FRYL: variants seen among roughly 807,000 people sequenced by gnomAD.
FRYL encodes FRY like transcription coactivator.
FRYL carries 150 observed loss-of-function variants against 351.2 expected under a neutral mutation model. The observed-to-expected ratio is 0.43, with a 90% CI of 0.37 to 0.49. FRYL has a LOEUF of 0.49. Ranked by LOEUF, FRYL falls within the 20% of genes least tolerant of loss-of-function variation. FRYL has a pLI of 0.00. For missense variants in FRYL, 3,036 were observed against 3,619.3 expected (o/e 0.84, Z 4.13); for synonymous variants, 1,153 against 1,257.1 (o/e 0.92, Z 1.75).
chr4:48,661,357 TGA>T (rs1417235501), intron 3 of FRYL, among the ~76,000 whole-genome samples: 1 of 151,968 alleles, frequency 6.6e-6, no homozygotes, highest in East Asian at 1.9e-4. Context: ...CCCTGAGAGA[TGA>T]GAGACAAATA....
intron 10 of FRYL, 115 bp downstream of exon 10, chr4:48,606,323 T>A (rs1746826368): frequency 1.6e-6 from 1 of 623,108 alleles, no homozygotes; most frequent in African/African-American, 1.8e-5. Context: ...ACACATGGAA[T>A]AAGAGACTAA....
chr4:48,665,173 T>A (rs1282606121), intron 3 of FRYL, among the ~76,000 whole-genome samples: 1 of 152,206 alleles, frequency 6.6e-6, no homozygotes, highest in Non-Finnish European at 1.5e-5. Context: ...ACTGTTACAT[T>A]CCTGACACAG....
rs781077989 is a variant in FRYL, at chr4:48,540,086, A to G, written c.6296-18T>C. On this transcript the variant is annotated intron_variant, in intron 46 of 63. Transcript: ENST00000358350. ...AGGAAAGCCTATCAAAACAAAAAAA[A>G]GCAAACAATAACCAATTTTATTGCA... The G allele has an allele frequency of 1.3e-6, 2 of 1,577,432 alleles. No homozygotes were observed. The highest frequency in any genetic ancestry group is 2.2e-5 in the East Asian group (1 of 44,562).
intron 3 of FRYL, chr4:48,681,270 G>T: frequency 4.1e-6 from 1 of 243,314 alleles, no homozygotes; most frequent in Non-Finnish European, 7.9e-6. Context: ...ACCCCAGTCA[G>T]TCAATTGCCA....
In FRYL at chr4:48,609,753, T is replaced by A. The variant is rs773928235; in HGVS notation, c.482A>T (p.His161Leu). ...TTAGTATTTTACTTACCCTTCCTTA[T>A]GTTTAAAGTGCTTAAAAGCTAAGTT... is the stretch of plus-strand genomic sequence containing the variant. ...VLNLAFKHFKHKEGYSGTNTG... is the reference protein window; with the variant it reads ...VLNLAFKHFKLKEGYSGTNTG... Residue 161 changes from histidine to leucine, a missense_variant, in exon 8 of 64, where the codon CAT becomes CTT. This residue lies in a region of FRYL where 457 missense variants were observed against 566.6 expected (regional missense o/e 0.81). Coordinates refer to ENST00000358350, the MANE Select transcript of FRYL (RefSeq NM_015030.2). 5 of 1,553,302 alleles carry A rather than the reference T, an allele frequency of 3.2e-6. No homozygotes were observed. The South Asian group carries it at 5.9e-5, about 18-fold the overall frequency.
In FRYL at chr4:48,498,648, A is replaced by T. The variant is rs940764518; in HGVS notation, c.*774T>A. ...TCTTTTTGAAATACTGGGAAAGCCC[A>T]GTTTTAAAATATTATTAAAATGTTC... On this transcript the variant is annotated 3_prime_UTR_variant, in exon 64 of 64. Transcript: ENST00000358350. 2.0e-5 allele frequency: 3 copies of T among 152,674 alleles called. No individual in the cohort carries two copies. The highest frequency in any genetic ancestry group is 7.2e-5 in the African/African-American group (3 of 41,468). 9.5% of individuals were successfully genotyped at this position (152,674 alleles called of 1,614,324 possible).
At chr4:48,769,748 A>G (rs1775323311) in intron 1 of FRYL, among the ~76,000 whole-genome samples, 1 of 152,258 alleles carries the variant, frequency 6.6e-6, no homozygotes, top group South Asian at 2.1e-4. Context: ...CTCAGCAATA[A>G]GAAGAAATAA....
rs1732004606 is a variant in FRYL, at chr4:48,548,760, G to A, written c.4818C>T (p.Leu1606=). The A allele has an allele frequency of 6.2e-7, 1 of 1,611,156 alleles. No homozygotes were observed. Among genetic ancestry groups the A allele is most frequent in the African/African-American group, 1.3e-5 (1 of 74,952 alleles). ...CNIAVILLTD[L]IIDHSVKVEW... ...CCACCTTCACACTATGATCAATGAT[G>A]AGATCAGTCAAAAGGATCACTGCTA... is the stretch of plus-strand genomic sequence containing the variant. The change falls in exon 40 of 64, where the codon CTC becomes CTT. Residue 1606 remains leucine, a synonymous_variant. Transcript: ENST00000358350.
chr4:48,547,080 G>C lies in FRYL; in HGVS notation c.5074+504C>G, dbSNP rs868430006. 1.8e-4 allele frequency among the ~76,000 whole-genome samples: 28 copies of C among 152,112 alleles called. 1 individual carries two copies. Among genetic ancestry groups the C allele is most frequent in the Middle Eastern group, 6.8e-3 (2 of 292 alleles). ...TGAATGAAAGAAATGTTAGTTATAG[G>C]ATATAAGAAAATATACCTTAAAAGT... is the stretch of plus-strand genomic sequence containing the variant. On this transcript the variant is annotated intron_variant, in intron 41 of 63. Coordinates refer to ENST00000358350, the MANE Select transcript of FRYL (RefSeq NM_015030.2).
At chr4:48,538,886 A>T (rs1729489096) in intron 47 of FRYL, among the ~76,000 whole-genome samples, 1 of 152,064 alleles carries the variant, frequency 6.6e-6, no homozygotes, top group Non-Finnish European at 1.5e-5. Context: ...TTTTTCCTCC[A>T]GACTCAATGA....
chr4:48,615,835 C>T (rs904482805), intron 7 of FRYL, among the ~76,000 whole-genome samples: 5 of 152,036 alleles, frequency 3.3e-5, no homozygotes, highest in South Asian at 4.1e-4. Context: ...CAATGATAAA[C>T]TGGAGAAAGA....
At chr4:48,525,707 G>C (rs558251278) in intron 53 of FRYL, among the ~76,000 whole-genome samples, 1 of 152,252 alleles carries the variant, frequency 6.6e-6, no homozygotes, top group East Asian at 1.9e-4. Flanking sequence ...TGATGAATGT[G>C]TATGAGCTGT....
intron 7 of FRYL, among the ~76,000 whole-genome samples, chr4:48,612,431 C>T (rs1233156354): frequency 1.3e-5 from 2 of 151,706 alleles, no homozygotes; most frequent in African/African-American, 2.4e-5. Context: ...TGTGTATCTA[C>T]GGTTTTGCTT....
intron 2 of FRYL, among the ~76,000 whole-genome samples, chr4:48,688,218 C>T (rs924150999): frequency 7.2e-5 from 11 of 152,166 alleles, no homozygotes; most frequent in Non-Finnish European, 1.5e-4. Flanking sequence ...TTCTGGGAAT[C>T]TTGCAAGGCC....
chr4:48,585,558 T>C (rs1741931035), intron 19 of FRYL, among the ~76,000 whole-genome samples: 1 of 152,230 alleles, frequency 6.6e-6, no homozygotes, highest in African/African-American at 2.4e-5. Flanking sequence ...GTTTTTTTCA[T>C]CTAGGACAGG....
intron 2 of FRYL, among the ~76,000 whole-genome samples, chr4:48,699,876 A>T (rs1766557051): frequency 1.3e-5 from 2 of 152,198 alleles, no homozygotes; most frequent in Non-Finnish European, 2.9e-5. Flanking sequence ...TAGATTTGCT[A>T]CTACTCTTAA....
intron 59 of FRYL, 49 bp downstream of exon 59, chr4:48,510,010 C>G: frequency 1.6e-6 from 2 of 1,217,004 alleles, no homozygotes; most frequent in Non-Finnish European, 2.4e-6. Context: ...GATTACCCTT[C>G]CAGTGTCAAG....
rs1756163334 is a variant in FRYL, at chr4:48,645,137, T to C, written c.-80-10647A>G. On this transcript the variant is annotated intron_variant, in intron 3 of 63. Coordinates refer to ENST00000358350, the MANE Select transcript of FRYL (RefSeq NM_015030.2). Reference sequence around the variant, plus strand: ...TGAGCTTTCATTTTATATATATATATATATATATATATATATATCAGACTG... The same window carrying C: ...TGAGCTTTCATTTTATATATATATACATATATATATATATATATCAGACTG... 1.5e-5 allele frequency among the ~76,000 whole-genome samples: 2 copies of C among 131,606 alleles called. 1 individual carries two copies. Among genetic ancestry groups the C allele is most frequent in the Admixed American group, 1.7e-4 (2 of 12,118 alleles). The allele number at this position is 131,606 out of a possible 152,430, so 86.3% of individuals were successfully genotyped here.
At chr4:48,738,130 A>G (rs1377024368) in intron 1 of FRYL, among the ~76,000 whole-genome samples, 1 of 152,232 alleles carries the variant, frequency 6.6e-6, no homozygotes. Context: ...AAAGGAAATA[A>G]AAAGTATATA....
Sources: gnomAD v4.1 joint callset for allele counts (sites outside exome capture counted in the v4.1 genomes callset) on GRCh38, gnomAD v4.1.1 for gene constraint, gnomAD v4.1.1 regional missense constraint, MANE v1.5 for transcripts, NCBI Gene and HGNC (gene_info 2026-07-23, HGNC 2026-07-21) for gene names.